The following LIPE variants were observed in gnomAD, a reference collection of about 807,000 sequenced individuals.
LIPE encodes the protein hormone-sensitive lipase.
LIPE carries 66 observed loss-of-function variants against 88.5 expected under a neutral mutation model. That is an observed-to-expected ratio of 0.75 (90% confidence interval 0.61 to 0.91). LIPE has a LOEUF of 0.91. LIPE is among the 40% of genes least tolerant of loss of function. The pLI, the probability that LIPE is intolerant of heterozygous loss-of-function variation, is 0.00. For synonymous variants in LIPE, 570 were observed against 617.5 expected (o/e 0.92, Z 1.14); for missense variants, 1,346 against 1,434.7 (o/e 0.94, Z 1.00).
chr19:42,421,683 G>A (rs2040601199), intron 1 of LIPE, among the ~76,000 whole-genome samples: 1 of 152,216 alleles, frequency 6.6e-6, no homozygotes, highest in African/African-American at 2.4e-5. Context: ...GGCCAAGTAA[G>A]GAAGCCCAGG....
Position 42,406,182 on chromosome 19 carries a change from T to C in LIPE, c.2344A>G (p.Lys782Glu), listed in dbSNP as rs755286945. Residue 782 changes from lysine (K) to glutamate (E), a missense_variant, in exon 7 of 10, where the codon AAG (lysine) becomes GAG (glutamate). Lys to Glu is a moderately conservative substitution (Grantham distance 56, BLOSUM62 1). Coordinates refer to ENST00000244289, the MANE Select transcript of LIPE (RefSeq NM_005357.4). The surrounding 1 kb of genome is among the most constrained non-coding windows in gnomAD (Gnocchi z 5.7). ...TCACCAGCATAGGCGCTGACACACT[T>C]GGAGAGCACACTGAGGGGCAGCAAG... ...DPLLPLSVLS[K>E]CVSAYAGAKT... 4 of 1,611,958 alleles carry C rather than the reference T, an allele frequency of 2.5e-6. No individual in the cohort carries two copies. Among genetic ancestry groups the C allele is most frequent in the Non-Finnish European group, 3.4e-6 (4 of 1,178,478 alleles).
chr19:42,409,366 A>G (rs2040296735), intron 2 of LIPE, among the ~76,000 whole-genome samples: 2 of 150,840 alleles, frequency 1.3e-5, no homozygotes, highest in Admixed American at 6.6e-5. Context: ...AGCCTGGCCA[A>G]CATGGTGAAA....
At chr19:42,421,468 A>T (rs1216535305) in intron 1 of LIPE, among the ~76,000 whole-genome samples, 1 of 152,188 alleles carries the variant, frequency 6.6e-6, no homozygotes, top group African/African-American at 2.4e-5. Flanking sequence ...TCATAGTCTT[A>T]TCTGAGTAAT....
Position 42,410,792 on chromosome 19 carries a change from C to T in LIPE, c.934G>A (p.Val312Met), listed in dbSNP as rs369890907. 39 of 1,595,808 alleles carry T rather than the reference C, an allele frequency of 2.4e-5. No individual in the cohort carries two copies. The highest frequency in any genetic ancestry group is 1.3e-4 in the African/African-American group (10 of 74,578). ...MDLRTMTQSL[V>M]TLAEDNIAFF... ...GCTATGTTGTCCTCCGCCAGAGTCA[C>T]CAGCGACTGTGTCATTGTGCGCAGG... Residue 312 changes from valine (V) to methionine (M), a missense_variant, in exon 2 of 10, where the codon GTG (valine) becomes ATG (methionine). Transcript: ENST00000244289. This position sits in a 1 kb window ranked among gnomAD's most constrained non-coding sequence, Gnocchi z 6.1.
chr19:42,412,826 T>G (rs1349253078), intron 1 of LIPE, among the ~76,000 whole-genome samples: 1 of 152,194 alleles, frequency 6.6e-6, no homozygotes. Context: ...CCTCCTAGTC[T>G]GGCCCTGGCA....
At chr19:42,423,041 T>C (rs2147671542) in intron 1 of LIPE, 1 of 232,824 alleles carries the variant, frequency 4.3e-6, no homozygotes, top group South Asian at 4.1e-5. Flanking sequence ...TTCCCCCTTA[T>C]CCTCTCAAGA....
intron 1 of LIPE, chr19:42,424,499 C>T (rs1258396084): frequency 4.4e-6 from 2 of 456,252 alleles, no homozygotes; most frequent in Non-Finnish European, 8.8e-6. Flanking sequence ...TTTCTATCCT[C>T]AGCACTGGGG....
rs34090488 is a variant in LIPE at position 42,406,947 on chromosome 19, C to T, written c.2137+227G>A. Among the ~76,000 whole-genome samples the T allele has an allele frequency of 3.5e-3, 536 of 152,074 alleles. 2 individuals are homozygous for T. Among genetic ancestry groups the T allele is most frequent in the African/African-American group, 0.011 (475 of 41,478 alleles). ...ACGACAGAGGCCCAGGGAGACAGGA[C>T]GGTGGGTGGGAAGTGGAGGTGGAGG... On this transcript the variant is annotated intron_variant, in intron 6 of 9. Coordinates refer to ENST00000244289, the MANE Select transcript of LIPE (RefSeq NM_005357.4). The surrounding 1 kb of genome is among the most constrained non-coding windows in gnomAD (Gnocchi z 5.7).
At chr19:42,417,398 T>G (rs1237690514) in intron 1 of LIPE, among the ~76,000 whole-genome samples, 1 of 152,116 alleles carries the variant, frequency 6.6e-6, no homozygotes, top group Non-Finnish European at 1.5e-5. Flanking sequence ...TAGTGGGGAC[T>G]ACAGATGGGC....
Position 42,414,739 on chromosome 19 carries a change from C to T in LIPE, c.884-3897G>A, listed in dbSNP as rs749587461. 8.5e-5 allele frequency among the ~76,000 whole-genome samples: 13 copies of T among 152,222 alleles called. No individual in the cohort carries two copies. The highest frequency in any genetic ancestry group is 1.9e-4 in the Non-Finnish European group (13 of 68,044). On this transcript the variant is annotated intron_variant, in intron 1 of 9. Coordinates refer to ENST00000244289, the MANE Select transcript of LIPE (RefSeq NM_005357.4). This position sits in a 1 kb window ranked among gnomAD's most constrained non-coding sequence, Gnocchi z 4.6. Reference sequence around the variant, plus strand: ...TTCTGGTAATTTTCACAGTGTTTCACACTTTTTCATTATTATTATATTTGT... The same window carrying T: ...TTCTGGTAATTTTCACAGTGTTTCATACTTTTTCATTATTATTATATTTGT...
In LIPE at chr19:42,406,332, A is replaced by G; in HGVS notation, c.2194T>C (p.Phe732Leu). 1 of 1,614,196 alleles carries G rather than the reference A, an allele frequency of 6.2e-7. No homozygotes were observed. The highest frequency in any genetic ancestry group is 2.2e-5 in the East Asian group (1 of 44,880). ...GCTGCTGCCCGAAGAGCCACGGTGA[A>G]GCAGAGGTTCCCGCCTGCACTGTCC... is the stretch of plus-strand genomic sequence containing the variant. ...AGDSAGGNLC[F>L]TVALRAAAYG... is the part of the protein sequence containing the mutation. Residue 732 changes from phenylalanine to leucine, a missense_variant, in exon 7 of 10, where the codon TTC (phenylalanine) becomes CTC (leucine). Physicochemically the swap from Phe to Leu is conservative, Grantham distance 22. Transcript: ENST00000244289. The surrounding 1 kb of genome is among the most constrained non-coding windows in gnomAD (Gnocchi z 5.7).
At chr19:42,415,810 GA>G (rs756329700) in intron 1 of LIPE, among the ~76,000 whole-genome samples, 2,842 of 135,346 alleles carry the variant, frequency 0.021, 71 homozygotes, top group African/African-American at 0.064. Context: ...ACTCCGTCTG[GA>G]AAAAAAAAAA....
rs1183308693 is a variant in LIPE at position 42,401,994 on chromosome 19, G to C, written c.3049C>G (p.Arg1017Gly). ...CCGTGCGGCAGGTCCTCCACCACGC[G>C]CAGCGTCACCGGCTGGCCCAGGTTG... ...LRNLGQPVTL[R>G]VVEDLPHGFL... The change falls in exon 10 of 10, where the codon CGC becomes GGC. Residue 1017 changes from arginine (R) to glycine (G), a missense_variant. Arg to Gly is a moderately radical substitution (Grantham distance 125). Coordinates refer to ENST00000244289, the MANE Select transcript of LIPE (RefSeq NM_005357.4). The C allele has an allele frequency of 1.9e-6, 3 of 1,554,320 alleles. No homozygotes were observed. The African/African-American group carries it at 4.1e-5, about 21-fold the overall frequency.
In LIPE at chr19:42,410,398, AAGAAGAGTACCCC is replaced by A. The variant is rs1447131308; in HGVS notation, c.1315_1327del (p.Gly439LeufsTer120). 6.2e-7 allele frequency: 1 copy of A among 1,614,040 alleles called. No homozygotes were observed. The highest frequency in any genetic ancestry group is 1.3e-5 in the African/African-American group (1 of 74,922). Reference sequence around the variant, plus strand: ...GGCGGTGAGCCCCTCGTCGCCCTCAAAGAAGAGTACCCCCGGCCGATTGGTAACCAGCAGGCGC... The same window carrying A: ...GGCGGTGAGCCCCTCGTCGCCCTCAACGGCCGATTGGTAACCAGCAGGCGC... On this transcript the variant is annotated frameshift_variant, in exon 2 of 10. Transcript: ENST00000244289. LOFTEE classifies it high-confidence loss of function. This position sits in a 1 kb window ranked among gnomAD's most constrained non-coding sequence, Gnocchi z 6.1.
chr19:42,424,188 T>C, intron 1 of LIPE: 1 of 1,038,620 alleles, frequency 9.6e-7, no homozygotes. Context: ...CCCTAATCCA[T>C]GCTCCCGATA....
Position 42,410,379 on chromosome 19 carries a change from G to A in LIPE, c.1347C>T (p.Leu449=). 2 of 1,614,072 alleles carry A rather than the reference G, an allele frequency of 1.2e-6. No individual in the cohort carries two copies. Among genetic ancestry groups the A allele is most frequent in the Non-Finnish European group, 1.7e-6 (2 of 1,179,942 alleles). Residue 449 remains leucine (L), a synonymous_variant, in exon 2 of 10, where the codon CTC becomes CTT. Transcript: ENST00000244289. This position sits in a 1 kb window ranked among gnomAD's most constrained non-coding sequence, Gnocchi z 6.1. ...GVLFFEGDEG[L]TADFLREYVT... is the part of the protein sequence containing the mutation. Reference sequence around the variant, plus strand: ...CATACTCCCGGAGGAAGTCGGCGGTGAGCCCCTCGTCGCCCTCAAAGAAGA... The same window carrying A: ...CATACTCCCGGAGGAAGTCGGCGGTAAGCCCCTCGTCGCCCTCAAAGAAGA...
intron 8 of LIPE, among the ~76,000 whole-genome samples, chr19:42,403,264 TG>T (rs2040053968): frequency 8.4e-5 from 12 of 143,038 alleles, no homozygotes; most frequent in Admixed American, 7.2e-4. Flanking sequence ...TGTGTGTGTG[TG>T]TGTGTGTGTG....
rs544509544 is a variant in LIPE at position 42,406,721 on chromosome 19, C to T, written c.2138-333G>A. Among the ~76,000 whole-genome samples the T allele has an allele frequency of 4.6e-5, 7 of 152,060 alleles. No individual in the cohort carries two copies. Among genetic ancestry groups the T allele is most frequent in the African/African-American group, 1.4e-4 (6 of 41,474 alleles). On this transcript the variant is annotated intron_variant, in intron 6 of 9. Transcript: ENST00000244289. This position sits in a 1 kb window ranked among gnomAD's most constrained non-coding sequence, Gnocchi z 5.7. ...GTTGCAGGAGGGGGGCCTCAGAGGG[C>T]GGGAATGGAAGGTCAGGGTTCAGGG...
intron 1 of LIPE, among the ~76,000 whole-genome samples, chr19:42,415,544 C>A (rs764706173): frequency 1.3e-5 from 2 of 152,172 alleles, no homozygotes; most frequent in Non-Finnish European, 2.9e-5. Context: ...GGCATGGTGG[C>A]TCATGCCTGT....
Sources: allele counts gnomAD v4.1 joint callset (sites outside exome capture counted in the v4.1 genomes callset), GRCh38; gene constraint gnomAD v4.1.1; non-coding constraint Gnocchi (gnomAD v3.1); transcripts MANE v1.5; gene names NCBI Gene and HGNC (gene_info 2026-07-23, HGNC 2026-07-21).